Variants in DLC1 observed in about 807,000 individuals in gnomAD.
DLC1 encodes the protein DLC1 Rho GTPase activating protein.
A neutral mutation model predicts 140.3 loss-of-function variants in DLC1; 54 were observed. The ratio of observed to expected loss-of-function variants is 0.38; its 90% CI spans 0.31 to 0.48. The LOEUF is 0.48. DLC1 is among the 20% of genes least tolerant of loss of function. DLC1 has a pLI of 0.96. For missense variants in DLC1, 2,536 were observed against 1,907.0 expected (o/e 1.33, Z -6.14); for synonymous variants, 986 against 728.1 (o/e 1.35, Z -5.70).
At position 13,133,914 on chromosome 8, in the gene DLC1, A is replaced by G. The variant is rs112564636; in HGVS notation, c.1349-18257T>C. On this transcript the variant is annotated intron_variant, in intron 5 of 17. Transcript: ENST00000276297. ...ATTTATTGCTAAAACCCGCATGGGTACGGAGCCAATGTAGGTGATAAATAC... is the reference window on the plus strand; with the variant it reads ...ATTTATTGCTAAAACCCGCATGGGTGCGGAGCCAATGTAGGTGATAAATAC... Among the ~76,000 whole-genome samples the G allele has an allele frequency of 8.7e-3, 1,327 of 152,292 alleles. 16 individuals carry two copies. Among genetic ancestry groups the G allele is most frequent in the African/African-American group, 0.031 (1,270 of 41,568 alleles).
intron 5 of DLC1, among the ~76,000 whole-genome samples, chr8:13,179,960 G>A (rs764361694): frequency 3.9e-5 from 6 of 152,092 alleles, no homozygotes; most frequent in Admixed American, 2.0e-4. Context: ...GGCATACTTG[G>A]TATGCCTATT....
At chr8:13,151,570 G>C (rs980184618) in intron 5 of DLC1, among the ~76,000 whole-genome samples, 2 of 152,126 alleles carry the variant, frequency 1.3e-5, no homozygotes, top group Non-Finnish European at 2.9e-5. Flanking sequence ...AAAGAATTTA[G>C]ATTTAATTGA....
At position 13,283,375 on chromosome 8, in the gene DLC1, A is replaced by G. The variant is rs550431466; in HGVS notation, c.1348+21894T>C. Among the ~76,000 whole-genome samples, 14 of 152,216 alleles carry G rather than the reference A, an allele frequency of 9.2e-5. No homozygotes were observed. The South Asian group carries it at 2.5e-3, about 27-fold the overall frequency. On this transcript the variant is annotated intron_variant, in intron 5 of 17. Transcript: ENST00000276297. Reference sequence around the variant, plus strand: ...CCAGAAAATATACGATACATTGTGAAGTACTGTAATCTCTGAGAGAAGGTT... The same window carrying G: ...CCAGAAAATATACGATACATTGTGAGGTACTGTAATCTCTGAGAGAAGGTT...
At chr8:13,283,411 A>G (rs1831434676) in intron 5 of DLC1, among the ~76,000 whole-genome samples, 2 of 152,242 alleles carry the variant, frequency 1.3e-5, no homozygotes, top group South Asian at 2.1e-4. Flanking sequence ...TTAAAAAAAT[A>G]GATAAGCGTG....
intron 5 of DLC1, among the ~76,000 whole-genome samples, chr8:13,262,077 G>C (rs1291907749): frequency 2.0e-5 from 3 of 152,092 alleles, no homozygotes; most frequent in Admixed American, 2.0e-4. Flanking sequence ...CCCCTCTCTT[G>C]GGGTAAGAGT....
At chr8:13,369,177 T>C (rs928981572) in intron 4 of DLC1, among the ~76,000 whole-genome samples, 2 of 152,126 alleles carry the variant, frequency 1.3e-5, no homozygotes, top group Non-Finnish European at 2.9e-5. Context: ...CTCAATAGTC[T>C]GTAAGTGCCT....
intron 5 of DLC1, among the ~76,000 whole-genome samples, chr8:13,242,283 A>G (rs559683904): frequency 6.6e-6 from 1 of 151,994 alleles, no homozygotes; most frequent in Non-Finnish European, 1.5e-5. Context: ...AGGAGTCTAT[A>G]TTTATTGTCT....
intron 5 of DLC1, among the ~76,000 whole-genome samples, chr8:13,242,829 T>G (rs927960970): frequency 1.3e-5 from 2 of 152,052 alleles, no homozygotes; most frequent in Non-Finnish European, 2.9e-5. Context: ...AAATATTACT[T>G]TAACATTTTT....
intron 5 of DLC1, among the ~76,000 whole-genome samples, chr8:13,194,614 G>A (rs1278660944): frequency 6.6e-6 from 1 of 152,176 alleles, no homozygotes; most frequent in African/African-American, 2.4e-5. Context: ...AAAGCACAAG[G>A]ACTCCATTCT....
chr8:13,418,292 G>A (rs1196114711), intron 2 of DLC1, among the ~76,000 whole-genome samples: 1 of 152,114 alleles, frequency 6.6e-6, no homozygotes. Context: ...CCTTGCCCAT[G>A]CCTATGTCCT....
In DLC1 at chr8:13,548,451, G is replaced by T. The variant is rs146008569; in HGVS notation, c.-125-48255C>A. ...GTGGAATTTGGAGAGATATGCCATG[G>T]GTCTGCAATAGTGAAGTAGGTATGC... On this transcript the variant is annotated intron_variant, in intron 1 of 1. Transcript: ENST00000631382. 2.8e-4 allele frequency among the ~76,000 whole-genome samples: 43 copies of T among 151,962 alleles called. 1 individual carries two copies. Among genetic ancestry groups the T allele is most frequent in the African/African-American group, 8.7e-4 (36 of 41,502 alleles).
intron 5 of DLC1, among the ~76,000 whole-genome samples, chr8:13,170,666 C>T: frequency 6.7e-6 from 1 of 148,578 alleles, no homozygotes; most frequent in Admixed American, 6.8e-5. Context: ...GGAGGCGGAG[C>T]TTGCAGTGAG....
chr8:13,184,236 A>C (rs1233818278), intron 5 of DLC1, among the ~76,000 whole-genome samples: 1 of 151,990 alleles, frequency 6.6e-6, no homozygotes, highest in Non-Finnish European at 1.5e-5. Flanking sequence ...CTAGCTGTCT[A>C]TCAATTTTGT....
chr8:13,533,882 G>A (rs2046184), intron 1 of DLC1, among the ~76,000 whole-genome samples: 57,621 of 151,978 alleles, frequency 0.38, 11,319 homozygotes, highest in Middle Eastern at 0.47. Context: ...TGCCTTGTGA[G>A]GAAGGTACTT....
intron 1 of DLC1, among the ~76,000 whole-genome samples, chr8:13,511,190 T>C (rs1470715711): frequency 6.6e-6 from 1 of 152,220 alleles, no homozygotes; most frequent in African/African-American, 2.4e-5. Flanking sequence ...ATTATTTGAA[T>C]TGCATTGCTA....
At chr8:13,109,804 G>C (rs974751223) in intron 7 of DLC1, among the ~76,000 whole-genome samples, 8 of 151,842 alleles carry the variant, frequency 5.3e-5, no homozygotes, top group Admixed American at 5.3e-4. Flanking sequence ...AGATTTACTT[G>C]AACCTGGGAG....
intron 2 of DLC1, among the ~76,000 whole-genome samples, chr8:13,449,409 T>C (rs924663508): frequency 6.6e-6 from 1 of 152,206 alleles, no homozygotes; most frequent in Non-Finnish European, 1.5e-5. Context: ...GAGGAGATTG[T>C]GTTATGTTTG....
intron 5 of DLC1, among the ~76,000 whole-genome samples, chr8:13,281,435 T>A (rs1158214492): frequency 6.6e-6 from 1 of 152,226 alleles, no homozygotes; most frequent in African/African-American, 2.4e-5. Flanking sequence ...AAAATTATTC[T>A]TGGAAGGCAG....
chr8:13,506,726 T>C (rs1802103888), intron 1 of DLC1, among the ~76,000 whole-genome samples: 1 of 151,826 alleles, frequency 6.6e-6, no homozygotes, highest in African/African-American at 2.4e-5. Flanking sequence ...ATGTGCTTAG[T>C]CACTGTGGGA....
Sources: gnomAD v4.1 joint callset for allele counts (sites outside exome capture counted in the v4.1 genomes callset) on GRCh38, gnomAD v4.1.1 for gene constraint, MANE v1.5 for transcripts, NCBI Gene and HGNC (gene_info 2026-07-23, HGNC 2026-07-21) for gene names.